KLF12: variants seen among roughly 807,000 people sequenced by gnomAD.
KLF12 encodes Krueppel-like factor 12.
In KLF12, 9 loss-of-function variants were observed where a neutral mutation model predicts 37.8. The observed-to-expected ratio is 0.24, with a 90% CI of 0.14 to 0.42. KLF12 has a LOEUF of 0.42. KLF12 is among the 10% of genes least tolerant of loss of function. The pLI, the probability that KLF12 is intolerant of heterozygous loss-of-function variation, is 1.00. For synonymous variants in KLF12, 208 were observed against 202.1 expected (o/e 1.03, Z -0.25); for missense variants, 411 against 516.0 (o/e 0.80, Z 1.97).
chr13:74,136,205 C>G (rs989634056), upstream of KLF12, among the ~76,000 whole-genome samples: 1 of 152,092 alleles, frequency 6.6e-6, no homozygotes, highest in Non-Finnish European at 1.5e-5. Context: ...GCAGCGAGGG[C>G]GTCGGGAACC....
chr13:73,770,825 T>C (rs1412450110), intron 5 of KLF12, among the ~76,000 whole-genome samples: 1 of 152,102 alleles, frequency 6.6e-6, no homozygotes, highest in African/African-American at 2.4e-5. Flanking sequence ...GCCCAGCCAA[T>C]ATGTGAAATT....
At chr13:74,261,282 A>C in the KLF12 span, among the ~76,000 whole-genome samples, 1 of 152,198 alleles carries the variant, frequency 6.6e-6, no homozygotes, top group Non-Finnish European at 1.5e-5. Flanking sequence ...ATATAATTAG[A>C]GAATAAGCGG....
chr13:74,261,245 G>A, the KLF12 span, among the ~76,000 whole-genome samples: 6 of 152,252 alleles, frequency 3.9e-5, no homozygotes, highest in East Asian at 3.8e-4. Flanking sequence ...AAACTATTCC[G>A]AAATGTGTTG....
At position 73,689,233 on chromosome 13, in the gene KLF12, A is replaced by C. The variant is rs1025158800; in HGVS notation, c.*6257T>G. ...ACTTAATTGGTTATTTTACCCCCTTATCCTGGTACATTTCCGTCTCCCTTT... is the reference window on the plus strand; with the variant it reads ...ACTTAATTGGTTATTTTACCCCCTTCTCCTGGTACATTTCCGTCTCCCTTT... On this transcript the variant is annotated 3_prime_UTR_variant, in exon 8 of 8. Coordinates refer to ENST00000377669, the MANE Select transcript of KLF12 (RefSeq NM_007249.5). 1 of 152,070 alleles carries C rather than the reference A, an allele frequency of 6.6e-6. No homozygotes were observed. The highest frequency in any genetic ancestry group is 2.4e-5 in the African/African-American group (1 of 41,414). The allele number at this position is 152,070 out of a possible 1,614,324, so 9.4% of individuals were successfully genotyped here.
the KLF12 span, among the ~76,000 whole-genome samples, chr13:74,231,090 T>C: frequency 3.9e-5 from 6 of 152,090 alleles, no homozygotes; most frequent in South Asian, 1.2e-3. Context: ...GTATCTCTGC[T>C]TGCATCGTCA....
intron 1 of KLF12, among the ~76,000 whole-genome samples, chr13:74,065,063 C>T (rs1385368822): frequency 6.6e-6 from 1 of 152,108 alleles, no homozygotes; most frequent in African/African-American, 2.4e-5. Flanking sequence ...TTCATATATA[C>T]ATAGACACAA....
At chr13:74,063,785 A>T (rs565155976) in intron 1 of KLF12, among the ~76,000 whole-genome samples, 2 of 152,342 alleles carry the variant, frequency 1.3e-5, no homozygotes, top group South Asian at 4.1e-4. Context: ...TAGTATTTAT[A>T]ATTTTCCCTT....
the KLF12 span, among the ~76,000 whole-genome samples, chr13:74,241,617 G>C: frequency 1.3e-5 from 2 of 152,296 alleles, no homozygotes; most frequent in African/African-American, 4.8e-5. Flanking sequence ...GTGGGCGTAG[G>C]ACCCTCCAAG....
chr13:73,789,092 A>C (rs1424404465), intron 5 of KLF12, among the ~76,000 whole-genome samples: 1 of 152,180 alleles, frequency 6.6e-6, no homozygotes, highest in Non-Finnish European at 1.5e-5. Context: ...AGTTAAGGGC[A>C]CAAATGATCT....
Position 73,883,240 on chromosome 13 carries a change from C to T in KLF12, c.124-36867G>A, listed in dbSNP as rs183337965. ...AGAATAGCAATAAACTCTTTAAAAA[C>T]AAAAACAGTTATTTGCATGAGAAAA... On this transcript the variant is annotated intron_variant, in intron 3 of 7. Coordinates refer to ENST00000377669, the MANE Select transcript of KLF12 (RefSeq NM_007249.5). 2.0e-5 allele frequency among the ~76,000 whole-genome samples: 3 copies of T among 152,122 alleles called. No homozygotes were observed. The East Asian group carries it at 5.8e-4, about 29-fold the overall frequency.
At chr13:74,035,520 CA>C (rs540859065) in intron 1 of KLF12, among the ~76,000 whole-genome samples, 13 of 152,264 alleles carry the variant, frequency 8.5e-5, no homozygotes, top group Middle Eastern at 6.8e-3. Context: ...ATTCATAGTA[CA>C]TTTTTTTGTT....
At chr13:74,265,100 AT>A in the KLF12 span, among the ~76,000 whole-genome samples, 3 of 152,176 alleles carry the variant, frequency 2.0e-5, no homozygotes, top group Non-Finnish European at 4.4e-5. Context: ...ATAGATGACC[AT>A]TTTTACTAAG....
chr13:73,852,938 C>G (rs1885410966), intron 3 of KLF12, among the ~76,000 whole-genome samples: 2 of 148,162 alleles, frequency 1.3e-5, no homozygotes, highest in South Asian at 4.3e-4. Context: ...GGCGCGATCT[C>G]AGCTCATTGC....
At chr13:73,903,745 A>C (rs1888141768) in intron 3 of KLF12, among the ~76,000 whole-genome samples, 1 of 152,206 alleles carries the variant, frequency 6.6e-6, no homozygotes, top group Admixed American at 6.5e-5. Context: ...CTCGTCGCAC[A>C]GCAGGAGGCG....
chr13:74,177,636 A>G, the KLF12 span, among the ~76,000 whole-genome samples: 5 of 152,332 alleles, frequency 3.3e-5, no homozygotes. Flanking sequence ...TGGGAAGATC[A>G]CTGGTGACAG....
chr13:73,837,522 GA>G (rs924598393), intron 4 of KLF12, among the ~76,000 whole-genome samples: 5 of 151,556 alleles, frequency 3.3e-5, no homozygotes, highest in African/African-American at 9.7e-5. Flanking sequence ...GTATCTGTAG[GA>G]AAAAAAAGGG....
intron 1 of KLF12, among the ~76,000 whole-genome samples, chr13:74,090,982 T>TAA (rs1189296427): frequency 2.0e-5 from 3 of 150,446 alleles, no homozygotes; most frequent in African/African-American, 7.3e-5. Flanking sequence ...TTTCGAAACT[T>TAA]ACTACAAAGC....
At chr13:74,116,958 T>C (rs1016712679) in intron 1 of KLF12, among the ~76,000 whole-genome samples, 2 of 152,066 alleles carry the variant, frequency 1.3e-5, no homozygotes, top group African/African-American at 4.8e-5. Context: ...TGCTGCAAGA[T>C]TTGGTAAAAA....
intron 4 of KLF12, among the ~76,000 whole-genome samples, chr13:73,825,622 T>C (rs1293960007): frequency 1.3e-5 from 2 of 152,236 alleles, no homozygotes; most frequent in African/African-American, 2.4e-5. Flanking sequence ...TTCTGATAAA[T>C]TGCATGGTGC....
Sources: gnomAD v4.1 joint callset for allele counts (sites outside exome capture counted in the v4.1 genomes callset) on GRCh38, gnomAD v4.1.1 for gene constraint, MANE v1.5 for transcripts, NCBI Gene and HGNC (gene_info 2026-07-23, HGNC 2026-07-21) for gene names.